The following LRBA variants were observed in gnomAD, a reference collection of about 807,000 sequenced individuals.
The protein encoded by LRBA is lipopolysaccharide-responsive and beige-like anchor protein.
A neutral mutation model predicts 330.0 loss-of-function variants in LRBA; 176 were observed. The ratio of observed to expected loss-of-function variants is 0.53; its 90% CI spans 0.47 to 0.60. The LOEUF is 0.60. Ranked by LOEUF, LRBA falls within the 20% of genes least tolerant of loss-of-function variation. LRBA has a pLI of 0.00. For synonymous variants in LRBA, 1,230 were observed against 1,193.0 expected, an observed-to-expected ratio of 1.03 and a Z score of -0.64; for missense variants, 3,259 against 3,444.8, an observed-to-expected ratio of 0.95 and a Z score of 1.35.
chr4:150,445,708 T>A (rs10027598), intron 44 of LRBA, among the ~76,000 whole-genome samples: 132,484 of 152,058 alleles, frequency 0.87, 58,590 homozygotes, highest in Non-Finnish European at 0.96. Context: ...TCTGTTACCC[T>A]GGCTCACATG....
chr4:150,818,692 T>TA (rs1340905252), intron 30 of LRBA, among the ~76,000 whole-genome samples: 1 of 152,026 alleles, frequency 6.6e-6, no homozygotes. Flanking sequence ...CACTGTCTTC[T>TA]ACCAATGTTT....
chr4:150,346,568 T>C (rs1182927282), intron 48 of LRBA, among the ~76,000 whole-genome samples: 1 of 151,724 alleles, frequency 6.6e-6, no homozygotes, highest in African/African-American at 2.4e-5. Flanking sequence ...GAGACCAGCC[T>C]GGCTAATATG....
intron 37 of LRBA, among the ~76,000 whole-genome samples, chr4:150,629,974 AAAC>A (rs752939971): frequency 3.9e-4 from 60 of 152,220 alleles, no homozygotes; most frequent in Non-Finnish European, 4.7e-4. Context: ...CAGTATCAAA[AAAC>A]AACAACAACA....
Position 150,310,233 on chromosome 4 carries a change from G to A in LRBA, c.7845C>T (p.Asp2615=). ...GATAAAGAAAATGAAAATTACCTGT[G>A]TCTGTAGAATAGACTCTGAAACTTT... The part of the protein sequence containing the change: ...WDKSFRVYST[D]TGRLIQVVFG... Residue 2615 remains aspartate (D), a synonymous_variant, in exon 52 of 57, where the codon GAC becomes GAT. Transcript: ENST00000651943. 1 of 1,608,272 alleles carries A rather than the reference G, an allele frequency of 6.2e-7. No individual in the cohort carries two copies. The highest frequency in any genetic ancestry group is 8.5e-7 in the Non-Finnish European group (1 of 1,175,384).
chr4:150,862,678 T>TAA (rs56261716), intron 22 of LRBA, among the ~76,000 whole-genome samples: 139 of 139,972 alleles, frequency 9.9e-4, no homozygotes, highest in South Asian at 3.7e-3. Context: ...AAGTATAATT[T>TAA]AAAAAAAAAA....
At chr4:150,861,270 GGT>G (rs35115144) in intron 22 of LRBA, among the ~76,000 whole-genome samples, 9,348 of 137,560 alleles carry the variant, frequency 0.068, 347 homozygotes, top group Non-Finnish European at 0.086. Flanking sequence ...CCCAGCTAAT[GGT>G]GTGTGTGTGT....
At chr4:150,488,719 CCTT>C (rs1041185593) in intron 41 of LRBA, among the ~76,000 whole-genome samples, 20 of 148,360 alleles carry the variant, frequency 1.3e-4, no homozygotes, top group African/African-American at 4.4e-4. Context: ...AGAAGATGGT[CCTT>C]CTTCTCTACC....
chr4:150,430,075 C>T (rs893390749), intron 46 of LRBA, among the ~76,000 whole-genome samples: 2 of 151,990 alleles, frequency 1.3e-5, no homozygotes, highest in Non-Finnish European at 2.9e-5. Context: ...TATATATGCC[C>T]AAGTCAAATT....
At chr4:150,552,022 T>G (rs1766668392) in intron 40 of LRBA, among the ~76,000 whole-genome samples, 1 of 152,186 alleles carries the variant, frequency 6.6e-6, no homozygotes, top group Non-Finnish European at 1.5e-5. Context: ...CATTAGAGTC[T>G]CATAAGGAGC....
chr4:150,724,923 T>G (rs1337042794), intron 36 of LRBA, among the ~76,000 whole-genome samples: 1 of 148,236 alleles, frequency 6.7e-6, no homozygotes, highest in Non-Finnish European at 1.5e-5. Flanking sequence ...CACACACACA[T>G]ACATATAGCA....
chr4:150,768,562 T>G (rs543261101), intron 34 of LRBA, among the ~76,000 whole-genome samples: 50 of 152,274 alleles, frequency 3.3e-4, no homozygotes, highest in African/African-American at 1.2e-3. Context: ...ACATTGTGAG[T>G]GATATTTGAA....
At chr4:150,988,343 T>G (rs1383669724) in intron 2 of LRBA, among the ~76,000 whole-genome samples, 1 of 152,184 alleles carries the variant, frequency 6.6e-6, no homozygotes, top group Admixed American at 6.5e-5. Context: ...GCAGCAGACT[T>G]TAAGTTCCTA....
intron 48 of LRBA, among the ~76,000 whole-genome samples, chr4:150,347,312 AAT>A (rs1736511153): frequency 1.3e-5 from 2 of 152,158 alleles, no homozygotes; most frequent in African/African-American, 4.8e-5. Flanking sequence ...GCTGTACAAG[AAT>A]GTCAATGTTC....
At chr4:150,648,757 G>T (rs1187861550) in intron 37 of LRBA, among the ~76,000 whole-genome samples, 1 of 152,104 alleles carries the variant, frequency 6.6e-6, no homozygotes, top group Non-Finnish European at 1.5e-5. Context: ...ATGCCAAGTA[G>T]TTGAGGGAGC....
chr4:150,265,056 A>AGAT lies in LRBA; in HGVS notation c.*663_*665dup, dbSNP rs1374511089. On this transcript the variant is annotated 3_prime_UTR_variant, in exon 57 of 57. Coordinates refer to ENST00000651943, the MANE Select transcript of LRBA (RefSeq NM_001364905.1). ...ATCATTTCGTTTTGTTGTGCTATGA[A>AGAT]GATGACAGATCAGGAAAAAATGGTA... 5 of 152,756 alleles carry AGAT rather than the reference A, an allele frequency of 3.3e-5. No homozygotes were observed. Among genetic ancestry groups the AGAT allele is most frequent in the South Asian group, 2.1e-4 (1 of 4,832 alleles). The allele number at this position is 152,756 out of a possible 1,614,324, so 9.5% of individuals were successfully genotyped here.
intron 40 of LRBA, among the ~76,000 whole-genome samples, chr4:150,540,903 CTT>C (rs1354929935): frequency 6.6e-6 from 1 of 152,138 alleles, no homozygotes; most frequent in East Asian, 1.9e-4. Flanking sequence ...AACAGCAAAA[CTT>C]TTCTGATTTT....
At chr4:150,289,928 G>A (rs182079187) in intron 53 of LRBA, among the ~76,000 whole-genome samples, 15 of 152,294 alleles carry the variant, frequency 9.8e-5, no homozygotes, top group Middle Eastern at 3.4e-3. Context: ...GAGGGTAGCG[G>A]GGATAATCGG....
intron 17 of LRBA, among the ~76,000 whole-genome samples, chr4:150,881,447 A>C (rs1560955885): frequency 6.6e-6 from 1 of 152,214 alleles, no homozygotes; most frequent in Admixed American, 6.5e-5. Flanking sequence ...CTTCTCAGTT[A>C]TAACTAGGAG....
At chr4:150,475,869 C>T (rs1405753558) in intron 42 of LRBA, among the ~76,000 whole-genome samples, 1 of 150,916 alleles carries the variant, frequency 6.6e-6, no homozygotes, top group Non-Finnish European at 1.5e-5. Flanking sequence ...GTGCCAAGTG[C>T]ACTCCAGCCA....
Sources: allele counts gnomAD v4.1 joint callset (sites outside exome capture counted in the v4.1 genomes callset), GRCh38; gene constraint gnomAD v4.1.1; transcripts MANE v1.5; gene names NCBI Gene and HGNC (gene_info 2026-07-23, HGNC 2026-07-21).